The following GLCCI1 variants were observed in gnomAD, a reference collection of about 807,000 sequenced individuals.
GLCCI1 encodes glucocorticoid-induced transcript 1 protein.
In GLCCI1, 24 loss-of-function variants were observed where a neutral mutation model predicts 52.2. The observed-to-expected ratio is 0.46, with a 90% CI of 0.33 to 0.65. The LOEUF is 0.65. GLCCI1 is among the 30% of genes least tolerant of loss of function. The pLI is 0.02. For missense variants in GLCCI1, 704 were observed against 701.5 expected (o/e 1.00, Z -0.04); for synonymous variants, 310 against 276.5 (o/e 1.12, Z -1.20).
intron 5 of GLCCI1, among the ~76,000 whole-genome samples, chr7:8,063,250 G>A (rs771929169): frequency 8.5e-5 from 13 of 152,202 alleles, no homozygotes; most frequent in Middle Eastern, 6.8e-3. Context: ...CGATTCTCCT[G>A]CCTCAGCCTC....
intron 1 of GLCCI1, among the ~76,000 whole-genome samples, chr7:8,000,806 C>G (rs1045260354): frequency 6.6e-6 from 1 of 152,096 alleles, no homozygotes; most frequent in Non-Finnish European, 1.5e-5. Flanking sequence ...CCTTCTTTGT[C>G]TCTTTTGATC....
chr7:8,040,672 A>G (rs936127040), intron 3 of GLCCI1, among the ~76,000 whole-genome samples: 2 of 152,168 alleles, frequency 1.3e-5, no homozygotes, highest in Non-Finnish European at 1.5e-5. Flanking sequence ...TTTGGAAAAC[A>G]CTTTGCTAGT....
chr7:8,005,857 G>A (rs1292495900), intron 2 of GLCCI1, among the ~76,000 whole-genome samples: 1 of 151,902 alleles, frequency 6.6e-6, no homozygotes, highest in Non-Finnish European at 1.5e-5. Flanking sequence ...GGAGTGCAAT[G>A]GTGTGATCTC....
At chr7:8,029,055 T>C (rs1781689448) in intron 3 of GLCCI1, among the ~76,000 whole-genome samples, 1 of 152,044 alleles carries the variant, frequency 6.6e-6, no homozygotes, top group African/African-American at 2.4e-5. Context: ...CTACTAAAGC[T>C]TTTCCAAAAA....
At position 8,086,114 on chromosome 7, in the gene GLCCI1, A is replaced by G. The variant is rs1397205595; in HGVS notation, c.1299-79A>G. 3.3e-6 allele frequency: 4 copies of G among 1,224,158 alleles called. No individual in the cohort carries two copies. The highest frequency in any genetic ancestry group is 2.2e-5 in the Admixed American group (1 of 46,142). 75.8% of individuals were successfully genotyped at this position (1,224,158 alleles called of 1,614,324 possible). ...GCCATTTACATTTTAGCTGTTTTAGAGAACTCCAGTTAATTCAGAAAATGC... is the reference window on the plus strand; with the variant it reads ...GCCATTTACATTTTAGCTGTTTTAGGGAACTCCAGTTAATTCAGAAAATGC... On this transcript the variant is annotated intron_variant, in intron 7 of 7. Transcript: ENST00000223145. The surrounding 1 kb of genome is among the most constrained non-coding windows in gnomAD (Gnocchi z 4.4).
At chr7:8,070,525 T>G (rs1393616061) in intron 5 of GLCCI1, 1 of 159,210 alleles carries the variant, frequency 6.3e-6, no homozygotes, top group East Asian at 1.9e-4. Flanking sequence ...AATATGAGAT[T>G]TCACTTTTTC....
At chr7:8,042,276 G>T (rs1343535320) in intron 3 of GLCCI1, among the ~76,000 whole-genome samples, 7 of 152,168 alleles carry the variant, frequency 4.6e-5, no homozygotes, top group Admixed American at 4.6e-4. Flanking sequence ...AGGCTTACAG[G>T]TACCATAGAT....
intron 6 of GLCCI1, among the ~76,000 whole-genome samples, chr7:8,077,899 A>G (rs780603761): frequency 6.6e-6 from 1 of 152,098 alleles, no homozygotes; most frequent in Non-Finnish European, 1.5e-5. Flanking sequence ...TATAGGGGTG[A>G]ATGGTGGAGA....
At position 8,049,261 on chromosome 7, in the gene GLCCI1, T is replaced by C. The variant is rs560609975; in HGVS notation, c.697-6172T>C. Among the ~76,000 whole-genome samples the C allele has an allele frequency of 3.9e-5, 6 of 152,328 alleles. No individual in the cohort carries two copies. In the South Asian group the frequency reaches 1.2e-3, roughly 32 times the overall value. ...GTAAGACTTCCCTTTAATAAAACTA[T>C]AGTTTTACTGAGAGGGTACAGTCTG... On this transcript the variant is annotated intron_variant, in intron 3 of 7. Transcript: ENST00000223145.
At chr7:8,041,159 A>G (rs1781990437) in intron 3 of GLCCI1, among the ~76,000 whole-genome samples, 1 of 152,228 alleles carries the variant, frequency 6.6e-6, no homozygotes, top group African/African-American at 2.4e-5. Context: ...GCAAAACAGC[A>G]TTATTGCTGA....
Position 8,011,811 on chromosome 7 carries a change from T to G in GLCCI1, c.609+7752T>G, listed in dbSNP as rs28814698. ...TTTTCTTGTTGTTGTTGTTGTTGTT[T>G]TTTGTTTTTTTGTTTGTTTTTTGAG... On this transcript the variant is annotated intron_variant, in intron 2 of 7. Transcript: ENST00000223145. 2.8e-3 allele frequency among the ~76,000 whole-genome samples: 426 copies of G among 151,974 alleles called. 2 individuals are homozygous for G. The highest frequency in any genetic ancestry group is 9.3e-3 in the African/African-American group (385 of 41,426).
intron 3 of GLCCI1, among the ~76,000 whole-genome samples, chr7:8,043,555 G>C (rs1009689863): frequency 2.6e-5 from 4 of 152,150 alleles, no homozygotes; most frequent in African/African-American, 9.7e-5. Context: ...TGCCTATTAT[G>C]GTTGCCTGTG....
intron 3 of GLCCI1, among the ~76,000 whole-genome samples, chr7:8,051,812 T>C (rs576860042): frequency 1.1e-4 from 16 of 152,350 alleles, no homozygotes; most frequent in African/African-American, 3.8e-4. Flanking sequence ...TGCCTACTAT[T>C]AGACTTTTTC....
intron 3 of GLCCI1, among the ~76,000 whole-genome samples, chr7:8,048,121 A>G (rs1003232545): frequency 1.3e-5 from 2 of 152,212 alleles, no homozygotes; most frequent in Non-Finnish European, 2.9e-5. Flanking sequence ...CTGTCATAAG[A>G]GAGTTTTACT....
chr7:8,072,927 T>C (rs1562450703), intron 6 of GLCCI1, among the ~76,000 whole-genome samples: 1 of 152,178 alleles, frequency 6.6e-6, no homozygotes, highest in East Asian at 1.9e-4. Context: ...GGTTGTGAGA[T>C]TGCCTTCAGG....
chr7:8,012,036 C>G (rs1781273324), intron 2 of GLCCI1, among the ~76,000 whole-genome samples: 1 of 151,912 alleles, frequency 6.6e-6, no homozygotes, highest in Non-Finnish European at 1.5e-5. Flanking sequence ...AGGATGGTCT[C>G]AATCTCTCGA....
chr7:8,021,559 C>T (rs1300414930), intron 2 of GLCCI1, among the ~76,000 whole-genome samples: 1 of 152,236 alleles, frequency 6.6e-6, no homozygotes, highest in East Asian at 1.9e-4. Context: ...ATTACAGGTG[C>T]TCGCCACCAG....
At chr7:8,083,639 C>G (rs1783041979) in intron 6 of GLCCI1, among the ~76,000 whole-genome samples, 1 of 145,390 alleles carries the variant, frequency 6.9e-6, no homozygotes, top group African/African-American at 2.5e-5. Context: ...TTGGTGCCTA[C>G]TCTGTAGGAT....
chr7:8,084,747 C>T, intron 6 of GLCCI1, 150 bp from the exon 7 acceptor site: 3 of 674,788 alleles, frequency 4.4e-6, no homozygotes, highest in Non-Finnish European at 4.9e-6. Flanking sequence ...AAATGTGCTA[C>T]ACAGGGTATA....
Sources: gnomAD v4.1 joint callset for allele counts (sites outside exome capture counted in the v4.1 genomes callset) on GRCh38, gnomAD v4.1.1 for gene constraint, Gnocchi (gnomAD v3.1) non-coding constraint, MANE v1.5 for transcripts, NCBI Gene and HGNC (gene_info 2026-07-23, HGNC 2026-07-21) for gene names.